The following FYCO1 variants were observed in gnomAD, a reference collection of about 807,000 sequenced individuals.
The protein encoded by FYCO1 is FYVE and coiled-coil domain-containing protein 1.
In FYCO1, 122 loss-of-function variants were observed where a neutral mutation model predicts 165.1. The observed-to-expected ratio is 0.74, with a 90% CI of 0.64 to 0.86. The LOEUF (loss-of-function observed/expected upper bound fraction) is 0.86, where lower values mean the gene tolerates loss of function less well. FYCO1 is among the 40% of genes least tolerant of loss of function. The pLI is 0.00. For missense variants in FYCO1, 1,702 were observed against 1,810.3 expected, an observed-to-expected ratio of 0.94 and a Z score of 1.09; for synonymous variants, 648 against 742.5, an observed-to-expected ratio of 0.87 and a Z score of 2.07.
At chr3:45,946,964 G>T in intron 14 of FYCO1, 1 of 1,614,196 alleles carries the variant, frequency 6.2e-7, no homozygotes, top group Non-Finnish European at 8.5e-7. Flanking sequence ...TATCCCTGCT[G>T]GTTTCCTTGC....
rs1177766325 is a variant in FYCO1 at position 45,979,797 on chromosome 3, T to G, written c.196A>C (p.Asn66His). ...DQKEKATLLG[N>H]KKDYWDYFCA... ...AAGTAATCCCAGTAGTCCTTCTTGT[T>G]GCCCAGGAGGGTGGCCTTCTCTTTC... Residue 66 changes from asparagine to histidine, a missense_variant, in exon 4 of 18, where the codon AAC (asparagine) becomes CAC (histidine). By Grantham distance (68) the Asn-to-His change is moderately conservative. Coordinates refer to ENST00000296137, the MANE Select transcript of FYCO1 (RefSeq NM_024513.4). 5 of 1,614,074 alleles carry G rather than the reference T, an allele frequency of 3.1e-6. No individual in the cohort carries two copies. In the South Asian group the frequency reaches 5.5e-5, roughly 18 times the overall value.
intron 11 of FYCO1, among the ~76,000 whole-genome samples, chr3:45,961,055 T>C (rs1319348780): frequency 1.3e-5 from 2 of 152,106 alleles, no homozygotes; most frequent in African/African-American, 2.4e-5. Flanking sequence ...AATGACACCA[T>C]GGGGATGCAA....
intron 4 of FYCO1, 104 bp downstream of exon 4, chr3:45,979,601 A>C: frequency 7.1e-7 from 1 of 1,408,814 alleles, no homozygotes; most frequent in Non-Finnish European, 1.0e-6. Context: ...CCACCCATAA[A>C]CTCCCACTTC....
intron 1 of FYCO1, among the ~76,000 whole-genome samples, chr3:45,985,812 A>C (rs1314790825): frequency 6.6e-6 from 1 of 152,256 alleles, no homozygotes; most frequent in Non-Finnish European, 1.5e-5. Flanking sequence ...GGCCAACAGA[A>C]GTTAAAGAGA....
At chr3:45,977,991 G>A (rs1706856843) in intron 4 of FYCO1, among the ~76,000 whole-genome samples, 1 of 152,182 alleles carries the variant, frequency 6.6e-6, no homozygotes, top group Non-Finnish European at 1.5e-5. Flanking sequence ...GACCCTATGG[G>A]AAGCAGAGCC....
At chr3:45,950,223 T>C (rs1017907733) in intron 14 of FYCO1, among the ~76,000 whole-genome samples, 5 of 152,066 alleles carry the variant, frequency 3.3e-5, no homozygotes, top group Admixed American at 1.3e-4. Flanking sequence ...CTTGAGTCCA[T>C]ACTGCCTTGG....
chr3:45,956,637 GT>G (rs200800051), intron 13 of FYCO1, among the ~76,000 whole-genome samples: 1 of 150,838 alleles, frequency 6.6e-6, no homozygotes, highest in South Asian at 2.1e-4. Context: ...GCCAGGGATT[GT>G]TTTTTTTTCC....
chr3:45,931,267 A>G lies in FYCO1; in HGVS notation c.4055T>C (p.Leu1352Pro), dbSNP rs1703607679. 1 of 1,613,624 alleles carries G rather than the reference A, an allele frequency of 6.2e-7. No homozygotes were observed. The highest frequency in any genetic ancestry group is 1.1e-5 in the South Asian group (1 of 91,066). Residue 1352 changes from leucine to proline, a missense_variant, in exon 16 of 18, where the codon CTC becomes CCC. By Grantham distance (98) the Leu-to-Pro change is moderately conservative. Coordinates refer to ENST00000296137, the MANE Select transcript of FYCO1 (RefSeq NM_024513.4). Reference sequence around the variant, plus strand: ...GAAGCTGGCGATCTCATCCACTGTGAGGGGTACTTTGATCCTAAAATAAAA... The same window carrying G: ...GAAGCTGGCGATCTCATCCACTGTGGGGGGTACTTTGATCCTAAAATAAAA... ...KSGELMIKVP[L>P]TVDEIASFGE...
At chr3:45,960,850 G>A (rs1431315027) in intron 11 of FYCO1, among the ~76,000 whole-genome samples, 1 of 151,982 alleles carries the variant, frequency 6.6e-6, no homozygotes, top group Non-Finnish European at 1.5e-5. Context: ...GTAGAATGAT[G>A]GTTCTCAGCT....
chr3:45,935,103 T>C (rs984557906), intron 15 of FYCO1, among the ~76,000 whole-genome samples: 3 of 152,180 alleles, frequency 2.0e-5, no homozygotes, highest in African/African-American at 7.2e-5. Flanking sequence ...GATTATTCTC[T>C]CACGACCACA....
chr3:45,919,569 G>A lies in FYCO1; in HGVS notation c.*2196C>T, dbSNP rs1703024607. ...CTCTGCTGTGGAGTGACATGTTCAG[G>A]AAGGACCTCAGATGGAATGTCCCAG... On this transcript the variant is annotated 3_prime_UTR_variant, in exon 18 of 18. Transcript: ENST00000296137. The A allele has an allele frequency of 6.6e-6, 1 of 152,176 alleles. No individual in the cohort carries two copies. The highest frequency in any genetic ancestry group is 2.4e-5 in the African/African-American group (1 of 41,432). The allele number at this position is 152,176 out of a possible 1,614,324, so 9.4% of individuals were successfully genotyped here.
At chr3:45,969,064 T>G (rs899741136) in intron 7 of FYCO1, among the ~76,000 whole-genome samples, 1 of 152,264 alleles carries the variant, frequency 6.6e-6, no homozygotes, top group African/African-American at 2.4e-5. Context: ...ACTCCTGGCA[T>G]GATTAAGCCA....
intron 14 of FYCO1, among the ~76,000 whole-genome samples, chr3:45,942,733 AAAG>A (rs1704306604): frequency 6.6e-6 from 1 of 152,210 alleles, no homozygotes; most frequent in Non-Finnish European, 1.5e-5. Flanking sequence ...TACTGAGATC[AAAG>A]TAGTCAACAT....
At chr3:45,980,922 G>A (rs1707014840) in intron 3 of FYCO1, among the ~76,000 whole-genome samples, 1 of 152,146 alleles carries the variant, frequency 6.6e-6, no homozygotes. Context: ...TTCCACATCT[G>A]CAGTGTTTTT....
intron 14 of FYCO1, among the ~76,000 whole-genome samples, chr3:45,951,030 G>A (rs1704985944): frequency 6.6e-6 from 1 of 152,198 alleles, no homozygotes; most frequent in Admixed American, 6.5e-5. Flanking sequence ...TGGTAAAGAT[G>A]CTCTGAGGGT....
intron 16 of FYCO1, among the ~76,000 whole-genome samples, chr3:45,924,989 T>G (rs9311379): frequency 0.84 from 127,808 of 151,856 alleles, 54,486 homozygotes; most frequent in East Asian, 1. Context: ...GAGTGCAGTG[T>G]CGTGATCTTG....
intron 1 of FYCO1, among the ~76,000 whole-genome samples, chr3:45,986,260 C>T (rs1707310423): frequency 6.6e-6 from 1 of 152,186 alleles, no homozygotes; most frequent in Non-Finnish European, 1.5e-5. Context: ...AAATGACCAA[C>T]CACTTCCACC....
intron 6 of FYCO1, among the ~76,000 whole-genome samples, chr3:45,971,505 AG>A (rs1346228609): frequency 6.6e-6 from 1 of 152,238 alleles, no homozygotes; most frequent in Non-Finnish European, 1.5e-5. Context: ...CCAAATGACC[AG>A]GGTTAACCTC....
At chr3:45,938,378 T>C (rs1286385267) in intron 14 of FYCO1, 1 of 437,460 alleles carries the variant, frequency 2.3e-6, no homozygotes, top group Admixed American at 2.9e-5. Flanking sequence ...TAGTGGGCTG[T>C]GAATCAGTTT....
Sources: allele counts gnomAD v4.1 joint callset (sites outside exome capture counted in the v4.1 genomes callset), GRCh38; gene constraint gnomAD v4.1.1; transcripts MANE v1.5; gene names NCBI Gene and HGNC (gene_info 2026-07-23, HGNC 2026-07-21).